The following RAPGEF2 variants were observed in gnomAD, a reference collection of about 807,000 sequenced individuals.
The protein encoded by RAPGEF2 is PDZ domain containing guanine nucleotide exchange factor (GEF) 1.
RAPGEF2 carries 54 observed loss-of-function variants against 186.7 expected under a neutral mutation model. The ratio of observed to expected loss-of-function variants is 0.29; its 90% CI spans 0.23 to 0.36. The LOEUF (loss-of-function observed/expected upper bound fraction) is 0.36. Ranked by LOEUF, RAPGEF2 falls within the 10% of genes least tolerant of loss-of-function variation. The pLI, the probability that RAPGEF2 is intolerant of heterozygous loss-of-function variation, is 1.00. For missense variants in RAPGEF2, 1,532 were observed against 2,045.0 expected (o/e 0.75, Z 4.84); for synonymous variants, 712 against 705.9 (o/e 1.01, Z -0.14).
At position 159,122,688 on chromosome 4, in the gene RAPGEF2, A is replaced by G. The variant is rs867658806; in HGVS notation, c.69+18457A>G. On this transcript the variant is annotated intron_variant, in intron 1 of 29. Transcript: ENST00000691494. The stretch of plus-strand genomic sequence containing the variant: ...TCATGAGTATGGTTACTCATCTCTC[A>G]ATGAGGAGTTTGTCCATCAGTAAAC... Among the ~76,000 whole-genome samples, 6 of 152,292 alleles carry G rather than the reference A, an allele frequency of 3.9e-5. 1 individual carries two copies. The Middle Eastern group carries it at 0.017, about 432-fold the overall frequency.
At chr4:159,155,960 A>G (rs114053711) in intron 1 of RAPGEF2, among the ~76,000 whole-genome samples, 1,588 of 152,282 alleles carry the variant, frequency 0.01, 34 homozygotes, top group African/African-American at 0.036. Context: ...CCAAGTTTCC[A>G]AATATTTGAA....
At chr4:159,133,715 C>A (rs1367425508) in intron 1 of RAPGEF2, among the ~76,000 whole-genome samples, 1 of 152,156 alleles carries the variant, frequency 6.6e-6, no homozygotes, top group Non-Finnish European at 1.5e-5. Context: ...TCCCGAGTAG[C>A]TGGGACTACA....
intron 7 of RAPGEF2, among the ~76,000 whole-genome samples, chr4:159,251,048 G>A (rs952397287): frequency 6.6e-6 from 1 of 152,230 alleles, no homozygotes; most frequent in Admixed American, 6.5e-5. Flanking sequence ...CCAGGGCAGT[G>A]AGGGGCTTAG....
intron 1 of RAPGEF2, among the ~76,000 whole-genome samples, chr4:159,149,728 T>C (rs1743328929): frequency 6.6e-6 from 1 of 152,198 alleles, no homozygotes; most frequent in African/African-American, 2.4e-5. Flanking sequence ...CTGTGAGTGC[T>C]CAAAAACTGC....
At chr4:159,140,802 G>T (rs1022512663) in intron 1 of RAPGEF2, among the ~76,000 whole-genome samples, 1 of 150,262 alleles carries the variant, frequency 6.7e-6, no homozygotes, top group Non-Finnish European at 1.5e-5. Context: ...TTGAATCTTG[G>T]TAAGCCAAAA....
intron 11 of RAPGEF2, chr4:159,329,342 CCTT>C (rs1766351334): frequency 6.6e-6 from 1 of 152,142 alleles, no homozygotes; most frequent in Non-Finnish European, 1.5e-5. Flanking sequence ...TGTGTTTTGA[CCTT>C]CTTTGAACAA....
intron 7 of RAPGEF2, among the ~76,000 whole-genome samples, chr4:159,276,592 ATAGCT>A (rs973565172): frequency 3.3e-5 from 5 of 152,222 alleles, no homozygotes; most frequent in African/African-American, 1.2e-4. Context: ...AAAATTTGAA[ATAGCT>A]TAGCTAAAGA....
In RAPGEF2 at chr4:159,331,968, T is replaced by C. The variant is rs1766742581; in HGVS notation, c.1822T>C (p.Ser608Pro). The change falls in exon 16 of 30, where the codon TCA becomes CCA. Residue 608 changes from serine (S) to proline (P), a missense_variant. By Grantham distance (74) the Ser-to-Pro change is moderately conservative. This residue lies in a region of RAPGEF2 where 810 missense variants were observed against 1,210.5 expected (regional missense o/e 0.67). Transcript: ENST00000691494. ...CCAAAACTTTGAAAACATTCAGCTG[T>C]CAAAAGCTATGGAAATTCTTAGAAA... is the stretch of plus-strand genomic sequence containing the variant. Reference protein sequence around the residue: ...NGQNFENIQLSKAMEILRNNT... With the variant: ...NGQNFENIQLPKAMEILRNNT... 1.2e-6 allele frequency: 2 copies of C among 1,609,742 alleles called. No individual in the cohort carries two copies. Among genetic ancestry groups the C allele is most frequent in the Non-Finnish European group, 1.7e-6 (2 of 1,178,790 alleles).
At chr4:159,149,816 T>C (rs1209555803) in intron 1 of RAPGEF2, among the ~76,000 whole-genome samples, 1 of 152,214 alleles carries the variant, frequency 6.6e-6, no homozygotes, top group Non-Finnish European at 1.5e-5. Context: ...TTTTACCCAT[T>C]GTTTGTTTTA....
At chr4:159,193,497 A>G (rs532883155) in intron 3 of RAPGEF2, among the ~76,000 whole-genome samples, 1 of 152,328 alleles carries the variant, frequency 6.6e-6, no homozygotes, top group East Asian at 1.9e-4. Context: ...ATACTATTTC[A>G]TATTGTAGAG....
chr4:159,193,932 T>C (rs1263572430), intron 3 of RAPGEF2, among the ~76,000 whole-genome samples: 1 of 152,210 alleles, frequency 6.6e-6, no homozygotes, highest in East Asian at 1.9e-4. Flanking sequence ...AAGTCCCAGC[T>C]TCTGCCTTTA....
At chr4:159,304,596 T>A in intron 8 of RAPGEF2, 123 bp downstream of exon 8, 1 of 856,158 alleles carries the variant, frequency 1.2e-6, no homozygotes, top group South Asian at 2.4e-5. Flanking sequence ...TGTAAGTACA[T>A]AAAATATTAA....
Position 159,282,692 on chromosome 4 carries a change from A to G in RAPGEF2, c.544-21650A>G, listed in dbSNP as rs1021214418. 9.0e-6 allele frequency: 4 copies of G among 443,568 alleles called. No individual in the cohort carries two copies. The Admixed American group carries it at 1.0e-4, about 11-fold the overall frequency. The allele number at this position is 443,568 out of a possible 1,614,324, so 27.5% of individuals were successfully genotyped here. ...TTGCCTTTCTGGTTAACCTTTGCTT[A>G]AGAAATGATCAAGGTAGAAATGTCT... On this transcript the variant is annotated intron_variant, in intron 7 of 29. Transcript: ENST00000691494.
intron 7 of RAPGEF2, among the ~76,000 whole-genome samples, chr4:159,278,745 G>C (rs1360180655): frequency 6.6e-6 from 1 of 152,190 alleles, no homozygotes; most frequent in African/African-American, 2.4e-5. Context: ...GACCCTGGCT[G>C]TGTGGTCTTT....
intron 4 of RAPGEF2, among the ~76,000 whole-genome samples, chr4:159,216,507 G>C (rs1413706627): frequency 6.6e-6 from 1 of 151,986 alleles, no homozygotes; most frequent in African/African-American, 2.4e-5. Flanking sequence ...ACAGAGATAG[G>C]ATTCAGCGAG....
At chr4:159,117,752 T>G (rs924930651) in intron 1 of RAPGEF2, among the ~76,000 whole-genome samples, 3 of 152,266 alleles carry the variant, frequency 2.0e-5, no homozygotes, top group Non-Finnish European at 4.4e-5. Context: ...TCACCTTAGT[T>G]TCAGGCTTTT....
chr4:159,104,259 G>A, intron 1 of RAPGEF2, 28 bp downstream of exon 1: 1 of 1,364,778 alleles, frequency 7.3e-7, no homozygotes, highest in Non-Finnish European at 9.5e-7. Context: ...GCCTGCCCTT[G>A]GCCGGATTTC....
rs374831018 is a variant in RAPGEF2, at chr4:159,338,484, A to T, written c.2293+16A>T. The T allele has an allele frequency of 1.9e-6, 3 of 1,591,892 alleles. No homozygotes were observed. In the African/African-American group the frequency reaches 4.0e-5, roughly 21 times the overall value. ...GCTACTCCTGGTGAGTATCACCAAC[A>T]CTTCTTTTGTTTTCTTATAGTTATC... is the stretch of plus-strand genomic sequence containing the variant. On this transcript the variant is annotated intron_variant, in intron 18 of 29. Coordinates refer to ENST00000691494, the MANE Select transcript of RAPGEF2 (RefSeq NM_001394067.2).
At chr4:159,243,752 C>T in intron 6 of RAPGEF2, 22 bp from the exon 7 acceptor site, 1 of 1,273,730 alleles carries the variant, frequency 7.9e-7, no homozygotes, top group Non-Finnish European at 1.0e-6. Flanking sequence ...CTTTATGGCA[C>T]TCATTTCATT....
Sources: allele counts gnomAD v4.1 joint callset (sites outside exome capture counted in the v4.1 genomes callset), GRCh38; gene constraint gnomAD v4.1.1; regional missense constraint gnomAD v4.1.1; transcripts MANE v1.5; gene names NCBI Gene and HGNC (gene_info 2026-07-23, HGNC 2026-07-21).